MAP7D1: variants seen among roughly 807,000 people sequenced by gnomAD.
MAP7D1 encodes the protein MAP7 domain containing 1.
In MAP7D1, 30 loss-of-function variants were observed where a neutral mutation model predicts 97.5. The observed-to-expected ratio is 0.31, with a 90% CI of 0.23 to 0.42. The LOEUF (loss-of-function observed/expected upper bound fraction) is 0.42. Among genes scored for constraint, MAP7D1 ranks in the 10% least tolerant of loss-of-function variants. The pLI is 1.00. For missense variants in MAP7D1, 1,184 were observed against 1,179.5 expected, an observed-to-expected ratio of 1.00 and a Z score of -0.06; for synonymous variants, 536 against 477.1, an observed-to-expected ratio of 1.12 and a Z score of -1.61.
chr1:36,173,304 A>G (rs985590812), intron 4 of MAP7D1, 60 bp from the exon 5 acceptor site: 1 of 1,341,756 alleles, frequency 7.5e-7, no homozygotes, highest in South Asian at 1.3e-5. Context: ...AAGGGCCTCT[A>G]TCCCAAATTC....
At chr1:36,171,410 G>A (rs1035311065) in intron 2 of MAP7D1, 95 bp downstream of exon 2, 126 of 1,554,284 alleles carry the variant, frequency 8.1e-5, no homozygotes, top group Non-Finnish European at 1.1e-4. Context: ...TGCCCTAGAG[G>A]AGATAAAGAA....
At chr1:36,165,107 A>G (rs1395653884) in intron 1 of MAP7D1, among the ~76,000 whole-genome samples, 1 of 152,170 alleles carries the variant, frequency 6.6e-6, no homozygotes, top group Non-Finnish European at 1.5e-5. Context: ...CTTCAACTGC[A>G]GTTTGTAGTT....
rs1168993258 is a variant in MAP7D1, at chr1:36,176,858, G to A, written c.1379+16G>A. 1.9e-6 allele frequency: 3 copies of A among 1,573,792 alleles called. No homozygotes were observed. Among genetic ancestry groups the A allele is most frequent in the Non-Finnish European group, 2.6e-6 (3 of 1,158,340 alleles). ...CTGAGCTCAGGTGGGCGCGGGCGGT[G>A]CGAGGGACCCTGCCCCTCACCGGGT... On this transcript the variant is annotated intron_variant, in intron 8 of 16. Transcript: ENST00000474796. The surrounding 1 kb of genome is among the most constrained non-coding windows in gnomAD (Gnocchi z 6.1).
Sources: allele counts gnomAD v4.1 joint callset (sites outside exome capture counted in the v4.1 genomes callset), GRCh38; gene constraint gnomAD v4.1.1; non-coding constraint Gnocchi (gnomAD v3.1); transcripts MANE v1.5; gene names NCBI Gene and HGNC (gene_info 2026-07-23, HGNC 2026-07-21).